The following SH2D4A variants were observed in gnomAD, a reference collection of about 807,000 sequenced individuals.
SH2D4A encodes SH2 domain containing 4A.
A neutral mutation model predicts 64.7 loss-of-function variants in SH2D4A; 70 were observed. The observed-to-expected ratio is 1.08, with a 90% CI of 0.89 to 1.32. The LOEUF (loss-of-function observed/expected upper bound fraction) is 1.32, where lower values mean the gene tolerates loss of function less well. Ranked by LOEUF, SH2D4A falls within the 40% of genes most tolerant of loss-of-function variation. The probability of loss-of-function intolerance (pLI) is 0.00; values close to 1 mark genes in which losing one functional copy is unlikely to be tolerated. For missense variants in SH2D4A, 706 were observed against 540.1 expected, an observed-to-expected ratio of 1.31 and a Z score of -3.04; for synonymous variants, 268 against 200.7, an observed-to-expected ratio of 1.34 and a Z score of -2.83.
rs769101182 is a variant in SH2D4A, at chr8:19,319,655, C to T, written c.108C>T (p.Ile36=). ...TCTTCAAGATGAGAGAGGAACAGATCCGACGATGGAAAGAAAGAGAAGCAG... is the reference window on the plus strand; with the variant it reads ...TCTTCAAGATGAGAGAGGAACAGATTCGACGATGGAAAGAAAGAGAAGCAG... ...ILFFKMREEQ[I]RRWKEREAAM... The change falls in exon 2 of 10, where the codon ATC becomes ATT. Residue 36 remains isoleucine, a synonymous_variant. Coordinates refer to ENST00000265807, the MANE Select transcript of SH2D4A (RefSeq NM_022071.4). The T allele has an allele frequency of 3.3e-5, 53 of 1,610,858 alleles. 1 individual carries two copies. In the South Asian group the frequency reaches 5.7e-4, roughly 17 times the overall value.
chr8:19,332,486 T>A (rs1465287612), intron 2 of SH2D4A, among the ~76,000 whole-genome samples: 1 of 151,866 alleles, frequency 6.6e-6, no homozygotes, highest in African/African-American at 2.4e-5. Context: ...ATACAAAAAT[T>A]AGCTGGTCGT....
chr8:19,340,338 T>C (rs1160611772), intron 4 of SH2D4A, among the ~76,000 whole-genome samples: 1 of 152,164 alleles, frequency 6.6e-6, no homozygotes, highest in East Asian at 1.9e-4. Flanking sequence ...AGCAAAGGGT[T>C]GAGCTGATCA....
intron 7 of SH2D4A, among the ~76,000 whole-genome samples, chr8:19,371,339 C>G (rs1219168761): frequency 1.3e-5 from 2 of 151,898 alleles, no homozygotes; most frequent in Non-Finnish European, 2.9e-5. Flanking sequence ...TTGCTGTGTG[C>G]AGTATTCTGG....
chr8:19,329,129 T>C (rs2052330589), intron 2 of SH2D4A, among the ~76,000 whole-genome samples: 1 of 152,192 alleles, frequency 6.6e-6, no homozygotes, highest in Non-Finnish European at 1.5e-5. Flanking sequence ...TCTTTGGTCA[T>C]GTTGTTCTTT....
chr8:19,384,631 C>G (rs563199004), intron 8 of SH2D4A, among the ~76,000 whole-genome samples: 1 of 152,294 alleles, frequency 6.6e-6, no homozygotes, highest in East Asian at 1.9e-4. Context: ...ATTTAACATC[C>G]TGCTGACTGA....
rs1047974169 is a variant in SH2D4A at position 19,366,606 on chromosome 8, C to T, written c.917+2324C>T. Among the ~76,000 whole-genome samples, 7 of 152,078 alleles carry T rather than the reference C, an allele frequency of 4.6e-5. No homozygotes were observed. The East Asian group carries it at 1.2e-3, about 25-fold the overall frequency. On this transcript the variant is annotated intron_variant, in intron 7 of 9. Transcript: ENST00000265807. ...GGTCAGGAGTTCGAGACCAGCCCGA[C>T]CAACATGGTGAAACCCCGTATTTAC...
intron 8 of SH2D4A, among the ~76,000 whole-genome samples, chr8:19,386,475 G>T (rs1426145698): frequency 6.6e-6 from 1 of 152,192 alleles, no homozygotes; most frequent in Non-Finnish European, 1.5e-5. Context: ...GGTTTTTGCA[G>T]ATGATGCACT....
intron 4 of SH2D4A, among the ~76,000 whole-genome samples, chr8:19,340,601 C>CTTTTTTTTTTTTTTTT (rs535915285): frequency 5.0e-5 from 5 of 100,520 alleles, no homozygotes; most frequent in Non-Finnish European, 7.9e-5. Flanking sequence ...TTCTTTCTTT[C>CTTTTTTTTTTTTTTTT]TTTTTTTTTT....
chr8:19,334,492 C>G (rs1471916250), intron 3 of SH2D4A, among the ~76,000 whole-genome samples, 194 bp from the exon 4 acceptor site: 2 of 152,094 alleles, frequency 1.3e-5, no homozygotes, highest in Non-Finnish European at 2.9e-5. Context: ...GATGACAATG[C>G]CTTCCTCACA....
chr8:19,322,975 T>C (rs2117181241), intron 2 of SH2D4A, among the ~76,000 whole-genome samples: 1 of 152,250 alleles, frequency 6.6e-6, no homozygotes, highest in South Asian at 2.1e-4. Context: ...GTGCCCGACT[T>C]GTCTACTTGT....
At chr8:19,325,191 CCCTCA>C (rs2052258030) in intron 2 of SH2D4A, among the ~76,000 whole-genome samples, 1 of 152,158 alleles carries the variant, frequency 6.6e-6, no homozygotes, top group South Asian at 2.1e-4. Flanking sequence ...TCCTCCCTGA[CCCTCA>C]CTCACCCACC....
chr8:19,341,786 G>A (rs1039379354), intron 4 of SH2D4A, among the ~76,000 whole-genome samples: 17 of 147,832 alleles, frequency 1.1e-4, no homozygotes, highest in African/African-American at 2.8e-4. Context: ...AAGTTGCAGC[G>A]AGCTATGATC....
chr8:19,317,302 CAT>C (rs1491190108), intron 1 of SH2D4A, among the ~76,000 whole-genome samples: 6 of 121,056 alleles, frequency 5.0e-5, no homozygotes, highest in African/African-American at 2.1e-4. Flanking sequence ...ACAAGACATC[CAT>C]TTTTTTTTTT....
intron 8 of SH2D4A, among the ~76,000 whole-genome samples, chr8:19,385,104 A>G (rs1408065382): frequency 6.6e-6 from 1 of 151,508 alleles, no homozygotes; most frequent in East Asian, 1.9e-4. Flanking sequence ...AACTGAACCT[A>G]CCCTCCTCGT....
intron 8 of SH2D4A, among the ~76,000 whole-genome samples, chr8:19,381,503 GTCTGTGTA>G (rs2053292123): frequency 6.6e-6 from 1 of 152,090 alleles, no homozygotes; most frequent in Non-Finnish European, 1.5e-5. Context: ...TTTGTGTGTT[GTCTGTGTA>G]TCCTGCCACT....
chr8:19,364,934 G>T (rs2052966649), intron 7 of SH2D4A, among the ~76,000 whole-genome samples: 1 of 152,136 alleles, frequency 6.6e-6, no homozygotes, highest in African/African-American at 2.4e-5. Context: ...AAAGTGCAAT[G>T]ATGCTATTAA....
chr8:19,325,784 A>G (rs1446505325), intron 2 of SH2D4A, among the ~76,000 whole-genome samples: 4 of 152,228 alleles, frequency 2.6e-5, no homozygotes, highest in African/African-American at 9.6e-5. Context: ...ATCCACTTTG[A>G]TATTAATAAC....
intron 4 of SH2D4A, among the ~76,000 whole-genome samples, chr8:19,352,097 T>A (rs942794288): frequency 5.9e-5 from 9 of 152,196 alleles, no homozygotes; most frequent in Non-Finnish European, 1.2e-4. Flanking sequence ...ACCCTACTTA[T>A]AAACAAAGGG....
chr8:19,335,695 A>G (rs546247381), intron 4 of SH2D4A, among the ~76,000 whole-genome samples: 3 of 152,310 alleles, frequency 2.0e-5, no homozygotes, highest in African/African-American at 7.2e-5. Flanking sequence ...GCGGATTCTA[A>G]ACATCAGTGC....
Sources: allele counts gnomAD v4.1 joint callset (sites outside exome capture counted in the v4.1 genomes callset), GRCh38; gene constraint gnomAD v4.1.1; transcripts MANE v1.5; gene names NCBI Gene and HGNC (gene_info 2026-07-23, HGNC 2026-07-21).